The following ALK variants were observed in gnomAD, a reference collection of about 807,000 sequenced individuals.
ALK encodes the protein ALK tyrosine kinase receptor.
ALK carries 74 observed loss-of-function variants against 163.1 expected under a neutral mutation model. That is an observed-to-expected ratio of 0.45 (90% CI 0.38 to 0.55). The LOEUF is 0.55. Ranked by LOEUF, ALK falls within the 20% of genes least tolerant of loss-of-function variation. ALK has a pLI of 0.00. For missense variants in ALK, 2,063 were observed against 2,105.3 expected (o/e 0.98, Z 0.39); for synonymous variants, 960 against 843.2 (o/e 1.14, Z -2.40).
Position 29,717,971 on chromosome 2 carries a change from T to C in ALK, c.668-274A>G, listed in dbSNP as rs572042379. On this transcript the variant is annotated intron_variant, in intron 1 of 28. Coordinates refer to ENST00000389048, the MANE Select transcript of ALK (RefSeq NM_004304.5). ...GAGATGAACTAGAAGCCAGGGCACT[T>C]AATGGCTTGGTCTAAGAGTTCTATC... Among the ~76,000 whole-genome samples the C allele has an allele frequency of 1.3e-3, 191 of 152,306 alleles. 1 individual carries two copies. Among genetic ancestry groups the C allele is most frequent in the Non-Finnish European group, 2.2e-3 (151 of 68,024 alleles).
intron 3 of ALK, among the ~76,000 whole-genome samples, chr2:29,574,481 A>T (rs1674467895): frequency 6.6e-6 from 1 of 152,156 alleles, no homozygotes; most frequent in Non-Finnish European, 1.5e-5. Flanking sequence ...TCTGGGACAG[A>T]CTTGATTTTA....
intron 11 of ALK, among the ~76,000 whole-genome samples, chr2:29,257,777 T>A (rs753589320): frequency 6.6e-6 from 1 of 152,222 alleles, no homozygotes; most frequent in African/African-American, 2.4e-5. Context: ...CAGAGCCATT[T>A]TGATGGGCAC....
intron 3 of ALK, among the ~76,000 whole-genome samples, chr2:29,568,976 G>T (rs1674275455): frequency 6.6e-6 from 1 of 152,108 alleles, no homozygotes; most frequent in Non-Finnish European, 1.5e-5. Context: ...GGGTGGGACA[G>T]GGCGGGGGAT....
chr2:29,446,176 A>C (rs1283887401), intron 4 of ALK, among the ~76,000 whole-genome samples: 3 of 143,598 alleles, frequency 2.1e-5, no homozygotes, highest in Non-Finnish European at 4.6e-5. Flanking sequence ...AACAAACAAC[A>C]AAAAAAATGA....
At chr2:29,324,475 T>G (rs549474483) in intron 6 of ALK, among the ~76,000 whole-genome samples, 20 of 152,246 alleles carry the variant, frequency 1.3e-4, no homozygotes, top group Non-Finnish European at 2.8e-4. Flanking sequence ...TTGTGTACAT[T>G]TCTAGATTTT....
intron 4 of ALK, among the ~76,000 whole-genome samples, chr2:29,459,807 C>T (rs1671043011): frequency 6.6e-6 from 1 of 152,124 alleles, no homozygotes; most frequent in South Asian, 2.1e-4. Context: ...CATTTAGTAA[C>T]TGCATACCTC....
chr2:29,247,971 G>A (rs1356912735), intron 12 of ALK, among the ~76,000 whole-genome samples: 4 of 152,078 alleles, frequency 2.6e-5, no homozygotes, highest in Admixed American at 2.6e-4. Context: ...TCAGAGAAAG[G>A]TTGCTGACTT....
chr2:29,319,819 C>A (rs759310834), intron 7 of ALK, among the ~76,000 whole-genome samples: 2 of 152,246 alleles, frequency 1.3e-5, no homozygotes, highest in Non-Finnish European at 2.9e-5. Context: ...AGACAGAATG[C>A]TAAGAAGGAT....
chr2:29,694,750 C>T (rs1410130260), intron 3 of ALK, 100 bp downstream of exon 3: 1 of 1,482,918 alleles, frequency 6.7e-7, no homozygotes, highest in East Asian at 2.3e-5. Context: ...TCAAAGTAAA[C>T]AGAGCAGAAC....
chr2:29,517,015 C>T (rs1047668888), intron 4 of ALK, among the ~76,000 whole-genome samples: 1 of 151,976 alleles, frequency 6.6e-6, no homozygotes, highest in African/African-American at 2.4e-5. Flanking sequence ...TTTGGAAATA[C>T]TGCCCAGTCA....
At chr2:29,379,593 T>G (rs1668844772) in intron 5 of ALK, among the ~76,000 whole-genome samples, 1 of 152,198 alleles carries the variant, frequency 6.6e-6, no homozygotes, top group Non-Finnish European at 1.5e-5. Flanking sequence ...GCAAATGACA[T>G]TTCCTGGCCC....
chr2:29,424,019 C>T (rs961880427), intron 4 of ALK, among the ~76,000 whole-genome samples: 7 of 151,762 alleles, frequency 4.6e-5, no homozygotes, highest in Non-Finnish European at 1.0e-4. Context: ...TTTCATGTAT[C>T]GCACATAAAT....
chr2:29,566,546 A>G (rs138369996), intron 3 of ALK, among the ~76,000 whole-genome samples: 2 of 152,316 alleles, frequency 1.3e-5, no homozygotes, highest in Admixed American at 6.5e-5. Flanking sequence ...TGTCACATAC[A>G]TGGCCGGTAG....
chr2:29,684,046 T>C (rs1678160921), intron 3 of ALK, among the ~76,000 whole-genome samples: 1 of 152,220 alleles, frequency 6.6e-6, no homozygotes. Context: ...AGAATAATTC[T>C]GTAGTTATCC....
Position 29,379,821 on chromosome 2 carries a change from A to G in ALK, c.1282+3911T>C, listed in dbSNP as rs374477384. On this transcript the variant is annotated intron_variant, in intron 5 of 28. Transcript: ENST00000389048. ...CTGCGTATATGAAGAATATAGAAAG[A>G]ATAAGACACACAGCTGGGAATATGA... Among the ~76,000 whole-genome samples, 41 of 152,362 alleles carry G rather than the reference A, an allele frequency of 2.7e-4. No individual in the cohort carries two copies. In the East Asian group the frequency reaches 7.3e-3, roughly 27 times the overall value.
chr2:29,331,240 C>T (rs988896115), intron 5 of ALK, among the ~76,000 whole-genome samples: 1 of 152,180 alleles, frequency 6.6e-6, no homozygotes, highest in Non-Finnish European at 1.5e-5. Flanking sequence ...AGCAAGGTTT[C>T]CCCAGATAAC....
intron 1 of ALK, among the ~76,000 whole-genome samples, chr2:29,822,758 G>A (rs1375411681): frequency 6.6e-6 from 1 of 152,210 alleles, no homozygotes; most frequent in Non-Finnish European, 1.5e-5. Context: ...TAGGAGAGCT[G>A]GATTATAGTC....
intron 1 of ALK, among the ~76,000 whole-genome samples, chr2:29,883,067 AGAC>A (rs1266616477): frequency 6.6e-6 from 1 of 151,864 alleles, no homozygotes. Context: ...TGAGAGAGAG[AGAC>A]GACAGAGAGA....
intron 3 of ALK, among the ~76,000 whole-genome samples, chr2:29,555,581 C>G (rs1673831346): frequency 6.6e-6 from 1 of 152,182 alleles, no homozygotes; most frequent in Non-Finnish European, 1.5e-5. Flanking sequence ...CCTTCCCCTT[C>G]CCTTGGTTTG....
Sources: gnomAD v4.1 joint callset for allele counts (sites outside exome capture counted in the v4.1 genomes callset) on GRCh38, gnomAD v4.1.1 for gene constraint, MANE v1.5 for transcripts, NCBI Gene and HGNC (gene_info 2026-07-23, HGNC 2026-07-21) for gene names.